The following CDH4 variants were observed in gnomAD, a reference collection of about 807,000 sequenced individuals.
The protein encoded by CDH4 is cadherin-4.
In CDH4, 33 loss-of-function variants were observed where a neutral mutation model predicts 86.0. The ratio of observed to expected loss-of-function variants is 0.38; its 90% CI spans 0.29 to 0.51. The LOEUF (loss-of-function observed/expected upper bound fraction) is 0.51, where lower values mean the gene tolerates loss of function less well. Ranked by LOEUF, CDH4 falls within the 20% of genes least tolerant of loss-of-function variation. The pLI, the probability that CDH4 is intolerant of heterozygous loss-of-function variation, is 0.86. For missense variants in CDH4, 1,114 were observed against 1,307.4 expected (o/e 0.85, Z 2.28); for synonymous variants, 555 against 549.4 (o/e 1.01, Z -0.14).
intron 3 of CDH4, among the ~76,000 whole-genome samples, chr20:61,768,024 G>A (rs1012729344): frequency 1.3e-5 from 2 of 152,198 alleles, no homozygotes; most frequent in Non-Finnish European, 2.9e-5. Context: ...CTGCAGGCAC[G>A]AGCTTGGTTG....
chr20:61,876,529 G>A (rs1238517959), intron 7 of CDH4, among the ~76,000 whole-genome samples: 12 of 152,230 alleles, frequency 7.9e-5, no homozygotes, highest in South Asian at 2.1e-4. Flanking sequence ...GCATGCAGGC[G>A]TGCGGAGGGT....
chr20:61,325,870 C>T (rs1330024426), intron 2 of CDH4, among the ~76,000 whole-genome samples: 5 of 152,184 alleles, frequency 3.3e-5, no homozygotes, highest in Non-Finnish European at 5.9e-5. Flanking sequence ...CTTCTTGCCA[C>T]GGGTGCCGAC....
intron 2 of CDH4, among the ~76,000 whole-genome samples, chr20:61,337,576 G>T (rs1025228653): frequency 6.6e-6 from 1 of 151,916 alleles, no homozygotes; most frequent in African/African-American, 2.4e-5. Context: ...ATACTTCCTG[G>T]GTCTAATCCT....
At chr20:61,819,958 G>C (rs867140833) in intron 4 of CDH4, among the ~76,000 whole-genome samples, 78 of 152,284 alleles carry the variant, frequency 5.1e-4, no homozygotes, top group African/African-American at 1.8e-3. Context: ...GTGCACACCT[G>C]CCCGTGAAAG....
At chr20:61,611,306 C>T (rs1329969281) in intron 2 of CDH4, among the ~76,000 whole-genome samples, 1 of 152,102 alleles carries the variant, frequency 6.6e-6, no homozygotes, top group Non-Finnish European at 1.5e-5. Context: ...TACAGGGGTC[C>T]ACCCTAAGTC....
chr20:61,253,151 G>C (rs1253113478), intron 1 of CDH4, among the ~76,000 whole-genome samples: 3 of 151,490 alleles, frequency 2.0e-5, no homozygotes, highest in Admixed American at 2.0e-4. Flanking sequence ...GGGTAGGACT[G>C]CGGGGCACTC....
chr20:61,726,984 A>C (rs1460403724), intron 2 of CDH4, among the ~76,000 whole-genome samples: 1 of 138,864 alleles, frequency 7.2e-6, no homozygotes, highest in Admixed American at 7.1e-5. Flanking sequence ...TCGCCACCAT[A>C]GGTACCATCA....
At chr20:61,606,991 C>T (rs1213136454) in intron 2 of CDH4, among the ~76,000 whole-genome samples, 1 of 152,162 alleles carries the variant, frequency 6.6e-6, no homozygotes, top group Non-Finnish European at 1.5e-5. Flanking sequence ...TGGGACAGGG[C>T]TGAGGAGGGA....
At chr20:61,551,161 G>A (rs995556468) in intron 2 of CDH4, among the ~76,000 whole-genome samples, 1 of 152,214 alleles carries the variant, frequency 6.6e-6, no homozygotes, top group South Asian at 2.1e-4. Context: ...CACATGGCAT[G>A]TCATGGGCAC....
chr20:61,506,495 T>C (rs1426371600), intron 2 of CDH4, among the ~76,000 whole-genome samples: 1 of 152,230 alleles, frequency 6.6e-6, no homozygotes, highest in East Asian at 1.9e-4. Flanking sequence ...TCCACATTAT[T>C]ATTATTTTCT....
chr20:61,472,880 G>T (rs925218609), intron 2 of CDH4, among the ~76,000 whole-genome samples: 1 of 152,126 alleles, frequency 6.6e-6, no homozygotes, highest in African/African-American at 2.4e-5. Context: ...TAAAAAAGAG[G>T]CTTAACCAAC....
chr20:61,720,005 C>T (rs1036888885), intron 2 of CDH4, among the ~76,000 whole-genome samples: 2 of 152,148 alleles, frequency 1.3e-5, no homozygotes, highest in African/African-American at 4.8e-5. Flanking sequence ...CATGGGTGAG[C>T]GGGCGTCTTC....
At chr20:61,831,962 G>A (rs35506107) in intron 4 of CDH4, among the ~76,000 whole-genome samples, 67,073 of 152,192 alleles carry the variant, frequency 0.44, 16,864 homozygotes, top group Non-Finnish European at 0.58. Flanking sequence ...AGGAGCGGCT[G>A]GAGCCTGCCT....
intron 2 of CDH4, among the ~76,000 whole-genome samples, chr20:61,493,470 A>T (rs2085639183): frequency 6.6e-6 from 1 of 152,234 alleles, no homozygotes; most frequent in Admixed American, 6.5e-5. Context: ...AACAAGCTGG[A>T]AAGTGGGTGC....
chr20:61,360,176 C>G (rs1317901865), intron 2 of CDH4, among the ~76,000 whole-genome samples: 1 of 152,188 alleles, frequency 6.6e-6, no homozygotes, highest in East Asian at 1.9e-4. Flanking sequence ...CGGGCAGAGC[C>G]AGAGAAACTG....
chr20:61,391,010 G>A (rs1321839975), intron 2 of CDH4, among the ~76,000 whole-genome samples: 2 of 152,148 alleles, frequency 1.3e-5, no homozygotes, highest in African/African-American at 4.8e-5. Flanking sequence ...TACAAGCTGG[G>A]GAAGAGGAGG....
At chr20:61,403,947 AT>A (rs2145482298) in intron 2 of CDH4, among the ~76,000 whole-genome samples, 1 of 152,330 alleles carries the variant, frequency 6.6e-6, no homozygotes, top group Non-Finnish European at 1.5e-5. Context: ...GCTCATGTAA[AT>A]ATCTCCACAT....
rs373577036 is a variant in CDH4 at position 61,517,404 on chromosome 20, A to G, written c.170-226159A>G. 9.2e-5 allele frequency among the ~76,000 whole-genome samples: 14 copies of G among 152,262 alleles called. No individual in the cohort carries two copies. Among genetic ancestry groups the G allele is most frequent in the Admixed American group, 8.5e-4 (13 of 15,292 alleles). On this transcript the variant is annotated intron_variant, in intron 2 of 15. Transcript: ENST00000614565. The surrounding 1 kb of genome is among the most constrained non-coding windows in gnomAD (Gnocchi z 6.6). Reference sequence around the variant, plus strand: ...GAGACAAGGTCTCGCCGTGTTTCCCAGGCTGGTCTCAAGTGCCTGGCCTCA... The same window carrying G: ...GAGACAAGGTCTCGCCGTGTTTCCCGGGCTGGTCTCAAGTGCCTGGCCTCA...
chr20:61,756,373 C>T (rs1199997050), intron 3 of CDH4, among the ~76,000 whole-genome samples: 6 of 152,148 alleles, frequency 3.9e-5, no homozygotes, highest in African/African-American at 9.7e-5. Context: ...TGTTAGCAAA[C>T]GTCAGGTGTG....
Sources: gnomAD v4.1 joint callset for allele counts (sites outside exome capture counted in the v4.1 genomes callset) on GRCh38, gnomAD v4.1.1 for gene constraint, Gnocchi (gnomAD v3.1) non-coding constraint, MANE v1.5 for transcripts, NCBI Gene and HGNC (gene_info 2026-07-23, HGNC 2026-07-21) for gene names.